Variants in TNRC6A observed in about 807,000 individuals in gnomAD.
TNRC6A encodes the protein trinucleotide repeat containing adaptor 6A.
TNRC6A carries 44 observed loss-of-function variants against 221.2 expected under a neutral mutation model. That is an observed-to-expected ratio of 0.20 (90% CI 0.16 to 0.26). The LOEUF (loss-of-function observed/expected upper bound fraction) is 0.26. Among genes scored for constraint, TNRC6A ranks in the 10% least tolerant of loss-of-function variants. TNRC6A has a pLI of 1.00. For synonymous variants in TNRC6A, 847 were observed against 838.5 expected (o/e 1.01, Z -0.18); for missense variants, 2,199 against 2,404.4 (o/e 0.91, Z 1.79).
At chr16:24,776,530 A>G in intron 4 of TNRC6A, 1 of 985,496 alleles carries the variant, frequency 1.0e-6, no homozygotes, top group Non-Finnish European at 1.2e-6. Context: ...AGGCAGAATA[A>G]GAACAGTTGC....
At chr16:24,622,588 C>T (rs1041083531) in intron 1 of TNRC6A, among the ~76,000 whole-genome samples, 2 of 152,078 alleles carry the variant, frequency 1.3e-5, no homozygotes, top group African/African-American at 4.8e-5. Flanking sequence ...AGAGAGACTG[C>T]ATCTCAAAGA....
chr16:24,729,789 G>C lies in TNRC6A; in HGVS notation c.-53G>C, dbSNP rs900465838. 7.1e-7 allele frequency: 1 copy of C among 1,404,534 alleles called. No homozygotes were observed. The highest frequency in any genetic ancestry group is 1.5e-5 in the African/African-American group (1 of 66,444). 87.0% of individuals were successfully genotyped at this position (1,404,534 alleles called of 1,614,324 possible). A position where few individuals can be genotyped will look rare whatever the true frequency, so the allele number is the denominator to read the frequency against. ...CTCCCCGCGGCGCTGCGGAGGGCTT[G>C]AGGCTCGCGAGCCTCCTTCGCCGCG... On this transcript the variant is annotated 5_prime_UTR_variant, in exon 1 of 25. The change abolishes the stop of an existing upstream ORF in the 5' untranslated region. Transcript: ENST00000395799.
At chr16:24,623,127 C>T (rs1329464764) in intron 1 of TNRC6A, among the ~76,000 whole-genome samples, 5 of 152,210 alleles carry the variant, frequency 3.3e-5, no homozygotes, top group Admixed American at 3.3e-4. Context: ...AAGCAACCAC[C>T]CAACCCAGTC....
In TNRC6A at chr16:24,791,255, G is replaced by A. The variant is rs1161861691; in HGVS notation, c.2613G>A (p.Lys871=). The A allele has an allele frequency of 6.2e-7, 1 of 1,614,200 alleles. No homozygotes were observed. Among genetic ancestry groups the A allele is most frequent in the South Asian group, 1.1e-5 (1 of 91,076 alleles). The change falls in exon 6 of 25, where the codon AAG becomes AAA. Residue 871 remains lysine, a synonymous_variant. Coordinates refer to ENST00000395799, the MANE Select transcript of TNRC6A (RefSeq NM_014494.4). The stretch of plus-strand genomic sequence containing the variant: ...ATAACCATTGGGGTGAGGCCAATAA[G>A]AAATCCAGCTCAGGAGGTAGTGACA... ...SRNNHWGEAN[K]KSSSGGSDSD...
At chr16:24,660,292 A>C (rs1297741196) in intron 2 of TNRC6A, among the ~76,000 whole-genome samples, 1 of 151,896 alleles carries the variant, frequency 6.6e-6, no homozygotes, top group Non-Finnish European at 1.5e-5. Context: ...TTGCATCCTC[A>C]TAGCTTAGCT....
chr16:24,758,948 C>T (rs1596631359), intron 4 of TNRC6A, among the ~76,000 whole-genome samples: 2 of 152,076 alleles, frequency 1.3e-5, no homozygotes. Flanking sequence ...AGGAGTTCTT[C>T]ACCCTCCCAG....
At chr16:24,643,944 C>T (rs7191307) in intron 2 of TNRC6A, among the ~76,000 whole-genome samples, 1 of 151,726 alleles carries the variant, frequency 6.6e-6, no homozygotes, top group African/African-American at 2.4e-5. Flanking sequence ...ATGAGAGGGG[C>T]GACAAGTGAC....
At chr16:24,746,770 T>G (rs1043697187) in intron 2 of TNRC6A, among the ~76,000 whole-genome samples, 1 of 152,208 alleles carries the variant, frequency 6.6e-6, no homozygotes, top group Non-Finnish European at 1.5e-5. Flanking sequence ...GGGATTAATT[T>G]TAATGATATT....
intron 22 of TNRC6A, among the ~76,000 whole-genome samples, chr16:24,820,789 A>G (rs1040089746): frequency 2.0e-5 from 3 of 152,232 alleles, no homozygotes; most frequent in African/African-American, 7.2e-5. Context: ...GCCAACAGGC[A>G]TAAGCCAGAA....
At chr16:24,642,778 C>T (rs1256431670) in intron 2 of TNRC6A, among the ~76,000 whole-genome samples, 1 of 152,030 alleles carries the variant, frequency 6.6e-6, no homozygotes, top group African/African-American at 2.4e-5. Flanking sequence ...TGAGATAGTG[C>T]CACTGCACTA....
intron 2 of TNRC6A, among the ~76,000 whole-genome samples, chr16:24,645,090 A>T (rs1596584399): frequency 6.6e-6 from 1 of 152,232 alleles, no homozygotes; most frequent in East Asian, 1.9e-4. Flanking sequence ...AAGATACTTA[A>T]ATATTTTCCA....
chr16:24,791,937 T>G, intron 6 of TNRC6A, 120 bp downstream of exon 6: 2 of 1,165,904 alleles, frequency 1.7e-6, no homozygotes, highest in Non-Finnish European at 2.3e-6. Context: ...AGAAGCAGCT[T>G]GAAAAAAATT....
At chr16:24,754,096 A>T (rs1418539559) in intron 3 of TNRC6A, among the ~76,000 whole-genome samples, 2 of 152,204 alleles carry the variant, frequency 1.3e-5, no homozygotes, top group Non-Finnish European at 2.9e-5. Flanking sequence ...GGTATAAAAT[A>T]GGTTCTTATA....
chr16:24,648,589 T>G (rs1314102403), intron 2 of TNRC6A, among the ~76,000 whole-genome samples: 1 of 152,100 alleles, frequency 6.6e-6, no homozygotes, highest in Non-Finnish European at 1.5e-5. Flanking sequence ...CATTTTACAG[T>G]CCCACCAGCA....
chr16:24,634,566 A>G (rs1596564794), intron 1 of TNRC6A, among the ~76,000 whole-genome samples: 1 of 152,180 alleles, frequency 6.6e-6, no homozygotes, highest in East Asian at 1.9e-4. Context: ...CTAATACAAG[A>G]GTATTAATAT....
chr16:24,776,553 G>A (rs1331694141), intron 4 of TNRC6A: 7 of 985,322 alleles, frequency 7.1e-6, no homozygotes, highest in African/African-American at 1.7e-5. Context: ...AGGAATAGAG[G>A]ATTCCCTTAG....
At chr16:24,739,478 C>CTT (rs71383710) in intron 2 of TNRC6A, among the ~76,000 whole-genome samples, 28,709 of 118,188 alleles carry the variant, frequency 0.24, 4,892 homozygotes, top group Non-Finnish European at 0.32. Flanking sequence ...TTTCCTTTCA[C>CTT]TTTTTTTTTT....
At chr16:24,622,263 AAGAT>A (rs1408328121) in intron 1 of TNRC6A, among the ~76,000 whole-genome samples, 5 of 152,222 alleles carry the variant, frequency 3.3e-5, no homozygotes, top group Non-Finnish European at 5.9e-5. Context: ...AAATAAAAAA[AAGAT>A]AGAACATTTT....
At chr16:24,641,141 G>A (rs765351352) in intron 2 of TNRC6A, 1 of 152,272 alleles carries the variant, frequency 6.6e-6, no homozygotes, top group Non-Finnish European at 1.5e-5. Context: ...AATCAGAACT[G>A]GGCAAGAGAA....
Sources: allele counts gnomAD v4.1 joint callset (sites outside exome capture counted in the v4.1 genomes callset), GRCh38; gene constraint gnomAD v4.1.1; transcripts MANE v1.5; gene names NCBI Gene and HGNC (gene_info 2026-07-23, HGNC 2026-07-21).